PTPRN2: variants seen among roughly 807,000 people sequenced by gnomAD.
PTPRN2 encodes protein tyrosine phosphatase receptor type N2.
In PTPRN2, 74 loss-of-function variants were observed where a neutral mutation model predicts 118.8. The observed-to-expected ratio is 0.62, with a 90% confidence interval of 0.52 to 0.76. The LOEUF (loss-of-function observed/expected upper bound fraction) is 0.76. PTPRN2 is among the 30% of genes least tolerant of loss of function. The pLI, the probability that PTPRN2 is intolerant of heterozygous loss-of-function variation, is 0.00. For synonymous variants in PTPRN2, 641 were observed against 608.0 expected (o/e 1.05, Z -0.80); for missense variants, 1,481 against 1,394.4 (o/e 1.06, Z -0.99).
intron 12 of PTPRN2, among the ~76,000 whole-genome samples, chr7:157,888,443 C>T (rs376684183): frequency 6.6e-6 from 1 of 152,156 alleles, no homozygotes; most frequent in African/African-American, 2.4e-5. Flanking sequence ...CCTCTGACCA[C>T]GTGAGCTTCT....
At chr7:158,528,987 G>A (rs139195820) in intron 1 of PTPRN2, among the ~76,000 whole-genome samples, 50 of 152,282 alleles carry the variant, frequency 3.3e-4, no homozygotes, top group Non-Finnish European at 5.9e-4. Flanking sequence ...TGAGGGAAAC[G>A]TGTGCTCACG....
chr7:158,117,882 G>C (rs1816856833), intron 9 of PTPRN2, among the ~76,000 whole-genome samples: 1 of 152,168 alleles, frequency 6.6e-6, no homozygotes, highest in Non-Finnish European at 1.5e-5. Context: ...AAAGCTGAGA[G>C]AGTTTGTTAT....
At chr7:157,607,805 GAGTT>G (rs891902318) in intron 15 of PTPRN2, among the ~76,000 whole-genome samples, 1 of 152,164 alleles carries the variant, frequency 6.6e-6, no homozygotes, top group African/African-American at 2.4e-5. Flanking sequence ...GAGTCCTGGG[GAGTT>G]AGACATGCAT....
chr7:158,545,285 T>C (rs1475381157), intron 1 of PTPRN2, among the ~76,000 whole-genome samples: 1 of 152,222 alleles, frequency 6.6e-6, no homozygotes, highest in East Asian at 1.9e-4. Context: ...ACCACTAAGC[T>C]GTAAGAAGCT....
intron 10 of PTPRN2, among the ~76,000 whole-genome samples, chr7:158,091,071 G>T (rs754881865): frequency 6.6e-6 from 1 of 152,326 alleles, no homozygotes. Context: ...GCTTCTATTT[G>T]GTTGGGTTAG....
In PTPRN2 at chr7:157,737,724, C is replaced by T. The variant is rs989153372; in HGVS notation, c.1789-54787G>A. ...TCCACAGAGGAAGGGCCCTGGTCCT[C>T]GGGAGCATTTACAGCATCGTGGGTG... On this transcript the variant is annotated intron_variant, in intron 12 of 22. Transcript: ENST00000389418. 9.2e-5 allele frequency among the ~76,000 whole-genome samples: 14 copies of T among 152,236 alleles called. 1 individual carries two copies. Among genetic ancestry groups the T allele is most frequent in the Non-Finnish European group, 1.8e-4 (12 of 68,046 alleles).
At chr7:158,222,629 T>G (rs560039263) in intron 3 of PTPRN2, among the ~76,000 whole-genome samples, 2 of 152,198 alleles carry the variant, frequency 1.3e-5, no homozygotes, top group African/African-American at 4.8e-5. Flanking sequence ...CTAGGTTCAC[T>G]ACCTGGGTGG....
intron 9 of PTPRN2, among the ~76,000 whole-genome samples, chr7:158,117,813 T>C (rs1219853314): frequency 6.6e-6 from 1 of 151,884 alleles, no homozygotes; most frequent in Non-Finnish European, 1.5e-5. Flanking sequence ...AAGAATCCTA[T>C]ATCCAACAAA....
At chr7:158,342,748 T>C (rs185525468) in intron 2 of PTPRN2, among the ~76,000 whole-genome samples, 49 of 151,958 alleles carry the variant, frequency 3.2e-4, no homozygotes, top group Admixed American at 9.2e-4. Context: ...CTGGAGCCCA[T>C]AGAGGAATGG....
At chr7:158,333,820 A>T (rs1327999413) in intron 2 of PTPRN2, among the ~76,000 whole-genome samples, 1 of 139,044 alleles carries the variant, frequency 7.2e-6, no homozygotes, top group East Asian at 2.2e-4. Flanking sequence ...CACAGAGGTC[A>T]CTCACACCCA....
chr7:157,932,031 A>C (rs924364164), intron 11 of PTPRN2, among the ~76,000 whole-genome samples: 4 of 152,198 alleles, frequency 2.6e-5, no homozygotes, highest in Non-Finnish European at 5.9e-5. Flanking sequence ...GATTCTCCAA[A>C]TGGTAACATT....
chr7:158,522,427 A>C (rs1365134884), intron 1 of PTPRN2, among the ~76,000 whole-genome samples: 10 of 151,534 alleles, frequency 6.6e-5, no homozygotes, highest in South Asian at 6.3e-4. Flanking sequence ...CTCAGGGGGA[A>C]GGTCCACATC....
chr7:158,041,496 G>A (rs548191995), intron 11 of PTPRN2, among the ~76,000 whole-genome samples: 1 of 152,122 alleles, frequency 6.6e-6, no homozygotes, highest in South Asian at 2.1e-4. Context: ...AAATTAGCCT[G>A]GGGTGGTGGT....
chr7:157,788,229 G>T (rs1027467055), intron 12 of PTPRN2, among the ~76,000 whole-genome samples: 1 of 152,126 alleles, frequency 6.6e-6, no homozygotes, highest in Non-Finnish European at 1.5e-5. Flanking sequence ...CAAAAAAGTA[G>T]CCAGGTGTGG....
chr7:157,812,852 G>A lies in PTPRN2; in HGVS notation c.1788+85821C>T, dbSNP rs138384908. On this transcript the variant is annotated intron_variant, in intron 12 of 22. Coordinates refer to ENST00000389418, the MANE Select transcript of PTPRN2 (RefSeq NM_002847.5). ...CCAGGGCTGGTATGTTGAGAATTCC[G>A]TTTGGAAACCAGCGTTGTGCAAACC... Among the ~76,000 whole-genome samples, 5 of 152,256 alleles carry A rather than the reference G, an allele frequency of 3.3e-5. No homozygotes were observed. In the East Asian group the frequency reaches 7.7e-4, roughly 24 times the overall value.
intron 13 of PTPRN2, among the ~76,000 whole-genome samples, chr7:157,665,453 C>T (rs2366647): frequency 0.38 from 58,156 of 151,810 alleles, 12,148 homozygotes; most frequent in Non-Finnish European, 0.49. Flanking sequence ...GCGGCACTTG[C>T]GAATTCCCTC....
In PTPRN2 at chr7:157,611,414, T is replaced by G. The variant is rs1221575550; in HGVS notation, c.2345-7339A>C. Among the ~76,000 whole-genome samples, 1 of 152,082 alleles carries G rather than the reference T, an allele frequency of 6.6e-6. No individual in the cohort carries two copies. Among genetic ancestry groups the G allele is most frequent in the Non-Finnish European group, 1.5e-5 (1 of 68,010 alleles). On this transcript the variant is annotated intron_variant, in intron 15 of 22. Coordinates refer to ENST00000389418, the MANE Select transcript of PTPRN2 (RefSeq NM_002847.5). The surrounding 1 kb of genome is among the most constrained non-coding windows in gnomAD (Gnocchi z 5.9). Reference sequence around the variant, plus strand: ...CAGGCAGGGCTATGCGGGGGCAGAATGCAGGGGGAACAGACGCCAAAGGTG... The same window carrying G: ...CAGGCAGGGCTATGCGGGGGCAGAAGGCAGGGGGAACAGACGCCAAAGGTG...
At chr7:158,308,943 T>G (rs570763045) in intron 3 of PTPRN2, among the ~76,000 whole-genome samples, 2 of 152,204 alleles carry the variant, frequency 1.3e-5, no homozygotes, top group African/African-American at 4.8e-5. Flanking sequence ...AATAGAAAAT[T>G]TGAATATGCC....
intron 11 of PTPRN2, among the ~76,000 whole-genome samples, chr7:158,009,862 ACT>A (rs1805912901): frequency 6.6e-6 from 1 of 151,896 alleles, no homozygotes; most frequent in Non-Finnish European, 1.5e-5. Context: ...CACACTTGAA[ACT>A]CTTGGATTTC....
Sources: allele counts gnomAD v4.1 joint callset (sites outside exome capture counted in the v4.1 genomes callset), GRCh38; gene constraint gnomAD v4.1.1; non-coding constraint Gnocchi (gnomAD v3.1); transcripts MANE v1.5; gene names NCBI Gene and HGNC (gene_info 2026-07-23, HGNC 2026-07-21).